UBAC2: variants seen among roughly 807,000 people sequenced by gnomAD.
UBAC2 encodes the protein UBA domain containing 2.
UBAC2 carries 26 observed loss-of-function variants against 44.0 expected under a neutral mutation model. That is an observed-to-expected ratio of 0.59 (90% confidence interval 0.43 to 0.82). UBAC2 has a LOEUF of 0.82. Ranked by LOEUF, UBAC2 falls within the 40% of genes least tolerant of loss-of-function variation. The probability of loss-of-function intolerance (pLI) is 0.00; values close to 1 mark genes in which losing one functional copy is unlikely to be tolerated. For synonymous variants in UBAC2, 155 were observed against 154.3 expected (o/e 1.00, Z -0.04); for missense variants, 329 against 419.4 (o/e 0.78, Z 1.88).
chr13:99,289,173 C>CT (rs1205824924), intron 4 of UBAC2, among the ~76,000 whole-genome samples: 3 of 152,174 alleles, frequency 2.0e-5, no homozygotes, highest in African/African-American at 4.8e-5. Context: ...AGGCCAGTGT[C>CT]TTTTTTCTTC....
chr13:99,297,439 T>C (rs73568039), intron 4 of UBAC2, among the ~76,000 whole-genome samples: 1,666 of 152,242 alleles, frequency 0.011, 37 homozygotes, highest in African/African-American at 0.039. Flanking sequence ...AAAAGCACTG[T>C]CTGCAAATCT....
intron 4 of UBAC2, chr13:99,261,522 A>G (rs1459668442): frequency 1.3e-5 from 2 of 152,190 alleles, no homozygotes; most frequent in Non-Finnish European, 2.9e-5. Context: ...TTGGTTTCCT[A>G]AATTGTATTG....
intron 6 of UBAC2, among the ~76,000 whole-genome samples, chr13:99,340,095 T>C (rs1022573303): frequency 3.9e-5 from 6 of 152,236 alleles, no homozygotes; most frequent in African/African-American, 7.2e-5. Context: ...TTGCTAGCTC[T>C]TCTAATTCAA....
intron 7 of UBAC2, among the ~76,000 whole-genome samples, chr13:99,354,619 G>T (rs1318802419): frequency 3.3e-5 from 5 of 151,686 alleles, no homozygotes; most frequent in Non-Finnish European, 4.4e-5. Flanking sequence ...ACTTTAGGTG[G>T]CAGGGACAGT....
chr13:99,249,928 G>C (rs2043437720), intron 4 of UBAC2, among the ~76,000 whole-genome samples: 1 of 152,064 alleles, frequency 6.6e-6, no homozygotes, highest in South Asian at 2.1e-4. Flanking sequence ...TTTTGTGCTT[G>C]TTGAATCAAG....
At chr13:99,330,417 C>G (rs1004314820) in intron 6 of UBAC2, among the ~76,000 whole-genome samples, 3 of 132,956 alleles carry the variant, frequency 2.3e-5, no homozygotes, top group African/African-American at 8.4e-5. Flanking sequence ...TGAGATCATG[C>G]CACTGCACTC....
Position 99,367,916 on chromosome 13 carries a change from C to G in UBAC2, c.927+10C>G. 1 of 1,613,184 alleles carries G rather than the reference C, an allele frequency of 6.2e-7. No homozygotes were observed. Among genetic ancestry groups the G allele is most frequent in the South Asian group, 1.1e-5 (1 of 90,956 alleles). On this transcript the variant is annotated intron_variant, in intron 8 of 8. Transcript: ENST00000403766. ...AGTTTCTGAGGAACAGGTAATTAAT[C>G]AGTAATACCTGGTACTCATTCTAAA...
intron 1 of UBAC2, among the ~76,000 whole-genome samples, chr13:99,221,439 G>A (rs1420301718): frequency 6.6e-6 from 1 of 152,214 alleles, no homozygotes; most frequent in Non-Finnish European, 1.5e-5. Flanking sequence ...TGGCAGTGCA[G>A]TGTAGTCAGT....
At chr13:99,297,669 A>C (rs2044196199) in intron 4 of UBAC2, among the ~76,000 whole-genome samples, 1 of 152,174 alleles carries the variant, frequency 6.6e-6, no homozygotes, top group Non-Finnish European at 1.5e-5. Flanking sequence ...AAAACATTTT[A>C]TTATCCAGAA....
chr13:99,377,704 C>G (rs2045498982), intron 8 of UBAC2: 1 of 152,226 alleles, frequency 6.6e-6, no homozygotes, highest in Admixed American at 6.5e-5. Flanking sequence ...TCCTGTCTTT[C>G]TGACTTCTTT....
At chr13:99,370,504 C>T (rs1923894) in intron 8 of UBAC2, among the ~76,000 whole-genome samples, 30,833 of 152,142 alleles carry the variant, frequency 0.2, 3,481 homozygotes, top group Middle Eastern at 0.36. Flanking sequence ...TCCCTTTCAG[C>T]AAACAAAACA....
Position 99,255,236 on chromosome 13 carries a change from T to A in UBAC2, c.389+10612T>A, listed in dbSNP as rs146690022. On this transcript the variant is annotated intron_variant, in intron 4 of 8. Coordinates refer to ENST00000403766, the MANE Select transcript of UBAC2 (RefSeq NM_001144072.2). ...TTAGACGTCCTGCCGTGAAGGAGAT[T>A]ATGAATAATGACCAAGTAGCACCCA... The A allele has an allele frequency of 9.9e-6, 16 of 1,613,932 alleles. No homozygotes were observed. The African/African-American group carries it at 1.5e-4, about 15-fold the overall frequency.
chr13:99,263,638 G>C (rs750644629), intron 4 of UBAC2, among the ~76,000 whole-genome samples: 3 of 152,132 alleles, frequency 2.0e-5, no homozygotes, highest in Non-Finnish European at 4.4e-5. Flanking sequence ...TCCACTCCTA[G>C]GTCTATAACC....
chr13:99,292,075 C>T (rs2044095547), intron 4 of UBAC2, among the ~76,000 whole-genome samples: 1 of 151,956 alleles, frequency 6.6e-6, no homozygotes, highest in Non-Finnish European at 1.5e-5. Flanking sequence ...TCAGGGGCCA[C>T]ATGATTGAGT....
chr13:99,201,262 C>A, intron 1 of UBAC2: 1 of 1,446,174 alleles, frequency 6.9e-7, no homozygotes, highest in Non-Finnish European at 9.1e-7. Context: ...GCCCCAGGCC[C>A]TTTGCGGAGC....
intron 1 of UBAC2, among the ~76,000 whole-genome samples, chr13:99,206,818 C>T (rs1048422929): frequency 1.3e-5 from 2 of 152,212 alleles, no homozygotes; most frequent in Non-Finnish European, 2.9e-5. Context: ...AGTCTCTCCC[C>T]ATCTCTTCAC....
intron 4 of UBAC2, among the ~76,000 whole-genome samples, chr13:99,293,026 C>A (rs946660636): frequency 6.6e-6 from 1 of 152,132 alleles, no homozygotes; most frequent in African/African-American, 2.4e-5. Context: ...CGTGTATGAA[C>A]AGTGGCTTGA....
intron 5 of UBAC2, among the ~76,000 whole-genome samples, chr13:99,316,756 C>T (rs1167703762): frequency 2.0e-5 from 3 of 152,180 alleles, no homozygotes; most frequent in Non-Finnish European, 2.9e-5. Context: ...TTTTTACTTG[C>T]GTATGAGACC....
intron 1 of UBAC2, among the ~76,000 whole-genome samples, chr13:99,228,788 C>A (rs2043141090): frequency 6.6e-6 from 1 of 152,162 alleles, no homozygotes; most frequent in Admixed American, 6.5e-5. Flanking sequence ...ATTTTAGATT[C>A]CGTGGAGCCT....
Sources: gnomAD v4.1 joint callset for allele counts (sites outside exome capture counted in the v4.1 genomes callset) on GRCh38, gnomAD v4.1.1 for gene constraint, MANE v1.5 for transcripts, NCBI Gene and HGNC (gene_info 2026-07-23, HGNC 2026-07-21) for gene names.